KCNH7: variants seen among roughly 807,000 people sequenced by gnomAD.
KCNH7 encodes voltage-gated inwardly rectifying potassium channel KCNH7.
Under a neutral mutation model 120.8 loss-of-function variants are expected in KCNH7, and 49 were observed. The ratio of observed to expected loss-of-function variants is 0.41; its 90% confidence interval spans 0.32 to 0.51. The LOEUF is 0.51. Among genes scored for constraint, KCNH7 ranks in the 20% least tolerant of loss-of-function variants. The probability of loss-of-function intolerance (pLI) is 0.38; values close to 1 mark genes in which losing one functional copy is unlikely to be tolerated. For missense variants in KCNH7, 1,097 were observed against 1,446.6 expected (o/e 0.76, Z 3.92); for synonymous variants, 547 against 516.1 (o/e 1.06, Z -0.81).
At chr2:162,387,474 G>T (rs898664875) in intron 12 of KCNH7, among the ~76,000 whole-genome samples, 16 of 151,056 alleles carry the variant, frequency 1.1e-4, no homozygotes, top group Admixed American at 9.5e-4. Flanking sequence ...ACATTAAATA[G>T]TATCAGGTAC....
chr2:162,610,915 A>G (rs1055825397), intron 2 of KCNH7, among the ~76,000 whole-genome samples: 1 of 152,214 alleles, frequency 6.6e-6, no homozygotes, highest in African/African-American at 2.4e-5. Flanking sequence ...AGAAAACACA[A>G]CTGTTGGACA....
chr2:162,539,683 T>C (rs976151312), intron 2 of KCNH7, among the ~76,000 whole-genome samples: 38 of 152,196 alleles, frequency 2.5e-4, no homozygotes, highest in African/African-American at 8.9e-4. Context: ...ATTAAATAAA[T>C]GTAATTAATC....
chr2:162,792,888 C>G (rs1216164348), intron 2 of KCNH7, among the ~76,000 whole-genome samples: 1 of 151,044 alleles, frequency 6.6e-6, no homozygotes, highest in African/African-American at 2.4e-5. Flanking sequence ...TCTTAGTTGT[C>G]TAGTTCTTTC....
chr2:162,674,965 T>C lies in KCNH7; in HGVS notation c.308-137885A>G, dbSNP rs574582605. ...AAAGTATTGATCAATATGATTCTTA[T>C]AATACACACCTTTTATTCATCAAAA... On this transcript the variant is annotated intron_variant, in intron 2 of 15. Coordinates refer to ENST00000332142, the MANE Select transcript of KCNH7 (RefSeq NM_033272.4). Among the ~76,000 whole-genome samples the C allele has an allele frequency of 2.1e-3, 319 of 151,724 alleles. 3 individuals are homozygous for C. Among genetic ancestry groups the C allele is most frequent in the African/African-American group, 7.3e-3 (302 of 41,512 alleles).
intron 2 of KCNH7, among the ~76,000 whole-genome samples, chr2:162,702,704 TA>T (rs1417411895): frequency 1.3e-5 from 2 of 152,156 alleles, no homozygotes; most frequent in Non-Finnish European, 2.9e-5. Context: ...CTTTCTCTCT[TA>T]GCACTCTGGT....
intron 2 of KCNH7, among the ~76,000 whole-genome samples, chr2:162,585,536 T>A (rs1693997704): frequency 6.6e-6 from 1 of 152,066 alleles, no homozygotes; most frequent in Non-Finnish European, 1.5e-5. Context: ...TTTATTCTAA[T>A]AATACAGAGA....
chr2:162,400,288 C>T lies in KCNH7; in HGVS notation c.2308G>A (p.Asp770Asn). 6.2e-7 allele frequency: 1 copy of T among 1,612,468 alleles called. No homozygotes were observed. The highest frequency in any genetic ancestry group is 8.5e-7 in the Non-Finnish European group (1 of 1,179,004). ...ACATCCCCACAGTGAACGAGGGTGT[C>T]TCCTGGAGGTGCATGGGTGGTTTTG... The part of the protein sequence containing the change: ...KFKTTHAPPG[D>N]TLVHCGDVLT... The change falls in exon 10 of 16, where the codon GAC becomes AAC. Residue 770 changes from aspartate to asparagine, a missense_variant. Asp to Asn is a conservative substitution (Grantham distance 23, BLOSUM62 1). This residue lies in a region of KCNH7 where 101 missense variants were observed against 176.3 expected (regional missense o/e 0.57). Transcript: ENST00000332142.
At chr2:162,679,956 C>CA (rs1308749818) in intron 2 of KCNH7, among the ~76,000 whole-genome samples, 1 of 151,702 alleles carries the variant, frequency 6.6e-6, no homozygotes, top group African/African-American at 2.4e-5. Flanking sequence ...AAGTGGAACA[C>CA]ACGCCATATT....
intron 3 of KCNH7, among the ~76,000 whole-genome samples, chr2:162,526,980 C>T (rs1691728346): frequency 6.6e-6 from 1 of 151,988 alleles, no homozygotes. Context: ...TAATAAATGT[C>T]CATGAAATCT....
At chr2:162,752,553 T>C (rs1157324146) in intron 2 of KCNH7, among the ~76,000 whole-genome samples, 1 of 152,068 alleles carries the variant, frequency 6.6e-6, no homozygotes, top group East Asian at 1.9e-4. Context: ...CAGTTTGGCT[T>C]GAAAGCCTTC....
chr2:162,779,315 C>T (rs1238772210), intron 2 of KCNH7, among the ~76,000 whole-genome samples: 1 of 152,016 alleles, frequency 6.6e-6, no homozygotes, highest in Non-Finnish European at 1.5e-5. Flanking sequence ...ATTCTCTCAC[C>T]TCAGCCTCCT....
At position 162,518,015 on chromosome 2, in the gene KCNH7, G is replaced by A; in HGVS notation, c.607C>T (p.Pro203Ser). 6.2e-7 allele frequency: 1 copy of A among 1,612,460 alleles called. No individual in the cohort carries two copies. Among genetic ancestry groups the A allele is most frequent in the Non-Finnish European group, 8.5e-7 (1 of 1,178,896 alleles). Residue 203 changes from proline (P) to serine (S), a missense_variant, in exon 4 of 16, where the codon CCT (proline) becomes TCT (serine). Physicochemically the swap from Pro to Ser is moderately conservative, Grantham distance 74. This residue lies in a region of KCNH7 where 362 missense variants were observed against 372.2 expected (regional missense o/e 0.97). Coordinates refer to ENST00000332142, the MANE Select transcript of KCNH7 (RefSeq NM_033272.4). ...GAGGGGCTGCAGCTTTCTTTTGTAG[G>A]AGACTTAAAATGCTTCATGGCTACT... is the stretch of plus-strand genomic sequence containing the variant. ...DSVAMKHFKS[P>S]TKESCSPSEA...
chr2:162,372,348 AT>A (rs1446091642), intron 15 of KCNH7, among the ~76,000 whole-genome samples: 13 of 152,148 alleles, frequency 8.5e-5, no homozygotes, highest in Non-Finnish European at 1.5e-4. Flanking sequence ...ATTTAAAAAA[AT>A]ATATATTATT....
chr2:162,779,867 A>G (rs1344059876), intron 2 of KCNH7, among the ~76,000 whole-genome samples: 1 of 152,184 alleles, frequency 6.6e-6, no homozygotes, highest in Non-Finnish European at 1.5e-5. Flanking sequence ...GCATGTGTTC[A>G]GACATCCTTT....
chr2:162,595,022 T>C (rs1694330223), intron 2 of KCNH7, among the ~76,000 whole-genome samples: 1 of 152,030 alleles, frequency 6.6e-6, no homozygotes, highest in Non-Finnish European at 1.5e-5. Context: ...TATTAGCCCA[T>C]TCTCACACCC....
intron 2 of KCNH7, among the ~76,000 whole-genome samples, chr2:162,767,372 A>G (rs1682861109): frequency 6.6e-6 from 1 of 152,152 alleles, no homozygotes; most frequent in South Asian, 2.1e-4. Context: ...TTCCACAAAC[A>G]ATAAATGAAA....
chr2:162,612,002 A>C lies in KCNH7; in HGVS notation c.308-74922T>G, dbSNP rs1409847869. On this transcript the variant is annotated intron_variant, in intron 2 of 15. Coordinates refer to ENST00000332142, the MANE Select transcript of KCNH7 (RefSeq NM_033272.4). Reference sequence around the variant, plus strand: ...AGTCCGGATCACACAGCGTATGACCAATATAAAGGATAGAATTTCACTTCT... The same window carrying C: ...AGTCCGGATCACACAGCGTATGACCCATATAAAGGATAGAATTTCACTTCT... Among the ~76,000 whole-genome samples the C allele has an allele frequency of 3.9e-5, 6 of 152,336 alleles. No individual in the cohort carries two copies. In the East Asian group the frequency reaches 1.2e-3, roughly 29 times the overall value.
intron 9 of KCNH7, among the ~76,000 whole-genome samples, chr2:162,405,132 T>C (rs1029044171): frequency 2.6e-5 from 4 of 152,042 alleles, no homozygotes; most frequent in Middle Eastern, 3.2e-3. Context: ...TCAAGGCTGC[T>C]ACAGATCCTT....
chr2:162,621,698 A>G (rs1193367774), intron 2 of KCNH7, among the ~76,000 whole-genome samples: 2 of 152,146 alleles, frequency 1.3e-5, no homozygotes, highest in Admixed American at 6.6e-5. Context: ...AAAAAGATTA[A>G]GTGTTATTGG....
Sources: allele counts gnomAD v4.1 joint callset (sites outside exome capture counted in the v4.1 genomes callset), GRCh38; gene constraint gnomAD v4.1.1; regional missense constraint gnomAD v4.1.1; transcripts MANE v1.5; gene names NCBI Gene and HGNC (gene_info 2026-07-23, HGNC 2026-07-21).